EPB41L2: variants seen among roughly 807,000 people sequenced by gnomAD.
EPB41L2 encodes erythrocyte membrane protein band 4.1 like 2.
In EPB41L2, 43 loss-of-function variants were observed where a neutral mutation model predicts 113.0. The observed-to-expected ratio is 0.38, with a 90% CI of 0.30 to 0.49. EPB41L2 has a LOEUF of 0.49. Among genes scored for constraint, EPB41L2 ranks in the 20% least tolerant of loss-of-function variants. The pLI is 0.95. For synonymous variants in EPB41L2, 442 were observed against 436.7 expected, an observed-to-expected ratio of 1.01 and a Z score of -0.15; for missense variants, 1,147 against 1,223.4, an observed-to-expected ratio of 0.94 and a Z score of 0.93.
chr6:131,011,508 G>A (rs772177088), intron 1 of EPB41L2, among the ~76,000 whole-genome samples: 11 of 152,066 alleles, frequency 7.2e-5, no homozygotes, highest in Admixed American at 1.3e-4. Flanking sequence ...ATTGTATTTC[G>A]GCTTTCTATT....
At chr6:130,900,831 A>T (rs1299329542) in intron 7 of EPB41L2, 131 bp downstream of exon 7, 2 of 955,336 alleles carry the variant, frequency 2.1e-6, no homozygotes, top group Admixed American at 2.2e-5. Context: ...TGCCTTGATT[A>T]GTGCTAGGTG....
chr6:130,964,038 T>C (rs75977436), intron 1 of EPB41L2, among the ~76,000 whole-genome samples: 7 of 149,924 alleles, frequency 4.7e-5, no homozygotes, highest in African/African-American at 1.7e-4. Flanking sequence ...TTTTTTTTTT[T>C]CACACGAAGT....
At chr6:130,988,917 T>C (rs544554603) in intron 1 of EPB41L2, among the ~76,000 whole-genome samples, 46 of 152,210 alleles carry the variant, frequency 3.0e-4, no homozygotes, top group Non-Finnish European at 5.3e-4. Context: ...GGTGAAACCC[T>C]ATCTCTACTA....
chr6:130,873,063 C>T (rs1786271443), intron 14 of EPB41L2, among the ~76,000 whole-genome samples: 1 of 152,158 alleles, frequency 6.6e-6, no homozygotes, highest in African/African-American at 2.4e-5. Flanking sequence ...CACTCCAACT[C>T]CTACAATCTC....
chr6:130,904,953 G>A (rs937420846), intron 5 of EPB41L2, among the ~76,000 whole-genome samples: 1 of 144,626 alleles, frequency 6.9e-6, no homozygotes, highest in Non-Finnish European at 1.5e-5. Context: ...TTTCTACATT[G>A]TTGTGGGGAA....
At chr6:130,858,819 G>T (rs750525807) in intron 18 of EPB41L2, among the ~76,000 whole-genome samples, 1 of 152,212 alleles carries the variant, frequency 6.6e-6, no homozygotes, top group Non-Finnish European at 1.5e-5. Context: ...AAACCTCTAA[G>T]ACACAGAACT....
intron 19 of EPB41L2, among the ~76,000 whole-genome samples, chr6:130,848,527 A>G (rs1777808565): frequency 6.6e-6 from 1 of 152,192 alleles, no homozygotes; most frequent in Non-Finnish European, 1.5e-5. Flanking sequence ...AAATCCAGTA[A>G]ATATCTTATA....
chr6:130,892,403 C>CTTTTTTTTTTTTTTTTTTTTTTTTTTT lies in EPB41L2; in HGVS notation c.1488-1938_1488-1937insAAAAAAAAAAAAAAAAAAAAAAAAAAA, dbSNP rs60350565. ...CTTGCCATTTCTGAACAGATTATTGCTTTTTTTTTTTTTTTTTTTATCATT... is the reference window on the plus strand; with the variant it reads ...CTTGCCATTTCTGAACAGATTATTGCTTTTTTTTTTTTTTTTTTTTTTTTTTTTTTTTTTTTTTTTTTTTTTATCATT... On this transcript the variant is annotated intron_variant, in intron 10 of 19. Coordinates refer to ENST00000337057, the MANE Select transcript of EPB41L2 (RefSeq NM_001431.4). 6.9e-4 allele frequency among the ~76,000 whole-genome samples: 64 copies of CTTTTTTTTTTTTTTTTTTTTTTTTTTT among 92,616 alleles called. 11 individuals are homozygous for CTTTTTTTTTTTTTTTTTTTTTTTTTTT. Among genetic ancestry groups the CTTTTTTTTTTTTTTTTTTTTTTTTTTT allele is most frequent in the South Asian group, 2.0e-3 (5 of 2,440 alleles). 60.8% of individuals were successfully genotyped at this position (92,616 alleles called of 152,430 possible). A position where few individuals can be genotyped will look rare whatever the true frequency, so the allele number is the denominator to read the frequency against.
chr6:130,984,584 A>G (rs12193575), intron 1 of EPB41L2, among the ~76,000 whole-genome samples: 4,582 of 152,344 alleles, frequency 0.03, 80 homozygotes, highest in South Asian at 0.061. Context: ...GTTGTTATGT[A>G]TCACATGACT....
intron 1 of EPB41L2, among the ~76,000 whole-genome samples, chr6:131,046,413 T>C (rs986593087): frequency 6.6e-6 from 1 of 152,070 alleles, no homozygotes; most frequent in Admixed American, 6.5e-5. Context: ...GCTAGAACAA[T>C]TGTCTTTCTA....
intron 19 of EPB41L2, among the ~76,000 whole-genome samples, chr6:130,840,974 C>A (rs993332958): frequency 2.6e-5 from 4 of 151,754 alleles, no homozygotes; most frequent in African/African-American, 9.7e-5. Flanking sequence ...TGTGCTAAAA[C>A]GAATGGAAAT....
chr6:130,997,133 A>G (rs1783320221), intron 1 of EPB41L2, among the ~76,000 whole-genome samples: 1 of 152,210 alleles, frequency 6.6e-6, no homozygotes, highest in Admixed American at 6.5e-5. Context: ...AGACACTGTT[A>G]CATTAGAGGA....
At chr6:131,010,882 G>A (rs1292405958) in intron 1 of EPB41L2, among the ~76,000 whole-genome samples, 1 of 152,066 alleles carries the variant, frequency 6.6e-6, no homozygotes, top group African/African-American at 2.4e-5. Context: ...CAGCCTCCTA[G>A]CCTCACTCAT....
intron 1 of EPB41L2, among the ~76,000 whole-genome samples, chr6:131,017,424 A>G (rs941673902): frequency 1.3e-5 from 2 of 152,206 alleles, no homozygotes; most frequent in Non-Finnish European, 2.9e-5. Context: ...AGTACTTCAC[A>G]TAGTTTCATT....
At chr6:130,895,990 A>T (rs889242633) in intron 8 of EPB41L2, among the ~76,000 whole-genome samples, 3 of 152,366 alleles carry the variant, frequency 2.0e-5, no homozygotes, top group Admixed American at 2.0e-4. Context: ...CTCATTCAAC[A>T]TATGTAAAAT....
intron 1 of EPB41L2, among the ~76,000 whole-genome samples, chr6:131,048,480 C>G (rs1049045209): frequency 6.6e-6 from 1 of 152,156 alleles, no homozygotes; most frequent in South Asian, 2.1e-4. Flanking sequence ...GATCTATTTT[C>G]TGTTATTCCA....
At chr6:131,029,869 TGGAATCCTCAAGG>T in intron 1 of EPB41L2, among the ~76,000 whole-genome samples, 1 of 151,200 alleles carries the variant, frequency 6.6e-6, no homozygotes, top group African/African-American at 2.4e-5. Flanking sequence ...TATCCAACAA[TGGAATCCTCAAGG>T]GAGGATTTTT....
At chr6:130,905,071 G>A (rs1408874290) in intron 5 of EPB41L2, among the ~76,000 whole-genome samples, 1 of 152,106 alleles carries the variant, frequency 6.6e-6, no homozygotes, top group Non-Finnish European at 1.5e-5. Context: ...ATAATTTCAT[G>A]ATACTTTAGG....
chr6:130,866,053 C>T (rs983668249), intron 16 of EPB41L2, among the ~76,000 whole-genome samples: 10 of 152,148 alleles, frequency 6.6e-5, no homozygotes, highest in Non-Finnish European at 2.9e-5. Context: ...TATCAAATTA[C>T]CAAGCAACAG....
Sources: allele counts gnomAD v4.1 joint callset (sites outside exome capture counted in the v4.1 genomes callset), GRCh38; gene constraint gnomAD v4.1.1; transcripts MANE v1.5; gene names NCBI Gene and HGNC (gene_info 2026-07-23, HGNC 2026-07-21).